CADPS2: variants seen among roughly 807,000 people sequenced by gnomAD.
CADPS2 encodes the protein calcium-dependent secretion activator 2.
In CADPS2, 93 loss-of-function variants were observed where a neutral mutation model predicts 172.5. The ratio of observed to expected loss-of-function variants is 0.54; its 90% CI spans 0.46 to 0.64. The LOEUF (loss-of-function observed/expected upper bound fraction) is 0.64, where lower values mean the gene tolerates loss of function less well. Among genes scored for constraint, CADPS2 ranks in the 30% least tolerant of loss-of-function variants. CADPS2 has a pLI of 0.00. For synonymous variants in CADPS2, 546 were observed against 555.2 expected, an observed-to-expected ratio of 0.98 and a Z score of 0.23; for missense variants, 1,420 against 1,565.9, an observed-to-expected ratio of 0.91 and a Z score of 1.57.
intron 4 of CADPS2, among the ~76,000 whole-genome samples, chr7:122,628,976 A>G (rs1303181476): frequency 1.3e-5 from 2 of 151,632 alleles, no homozygotes; most frequent in African/African-American, 4.8e-5. Context: ...GCAGTTTGAG[A>G]AACTCATGCA....
At chr7:122,845,603 C>T (rs983053099) in intron 1 of CADPS2, among the ~76,000 whole-genome samples, 2 of 152,224 alleles carry the variant, frequency 1.3e-5, no homozygotes, top group African/African-American at 2.4e-5. Context: ...TCAGGAGTCA[C>T]ACACCAGGCC....
At chr7:122,383,693 T>C (rs2043279813) in intron 24 of CADPS2, among the ~76,000 whole-genome samples, 1 of 152,076 alleles carries the variant, frequency 6.6e-6, no homozygotes, top group South Asian at 2.1e-4. Context: ...CTGGCCTCTC[T>C]ACAATCAGGT....
intron 17 of CADPS2, among the ~76,000 whole-genome samples, chr7:122,418,654 GCA>G (rs948215858): frequency 6.6e-6 from 1 of 152,138 alleles, no homozygotes; most frequent in Non-Finnish European, 1.5e-5. Context: ...AGGGAAAGAT[GCA>G]CAGACACTCC....
At chr7:122,500,209 C>A (rs935854441) in intron 9 of CADPS2, among the ~76,000 whole-genome samples, 5 of 152,118 alleles carry the variant, frequency 3.3e-5, no homozygotes, top group Non-Finnish European at 5.9e-5. Flanking sequence ...ACAAATTTGT[C>A]CCCTTTACCA....
rs1461016376 is a variant in CADPS2, at chr7:122,814,522, T to G, written c.339+71477A>C. ...GGCTAAAAAGAAAAAAGATAATTAT[T>G]CATGACATGTCAAAATTATAAGAAA... On this transcript the variant is annotated intron_variant, in intron 1 of 29. Transcript: ENST00000449022. Among the ~76,000 whole-genome samples the G allele has an allele frequency of 2.0e-5, 3 of 152,198 alleles. No homozygotes were observed. The East Asian group carries it at 5.8e-4, about 29-fold the overall frequency.
chr7:122,616,427 T>C (rs1480699848), intron 5 of CADPS2, among the ~76,000 whole-genome samples: 2 of 152,118 alleles, frequency 1.3e-5, no homozygotes, highest in Non-Finnish European at 2.9e-5. Context: ...TGTTCTTCCT[T>C]TCAGCTCTGT....
chr7:122,573,097 C>T (rs978328664), intron 7 of CADPS2, among the ~76,000 whole-genome samples: 12 of 152,190 alleles, frequency 7.9e-5, no homozygotes, highest in East Asian at 1.9e-4. Flanking sequence ...TGAACCTGTC[C>T]GCACATTTGT....
intron 7 of CADPS2, 61 bp downstream of exon 7, chr7:122,581,118 T>C (rs1409464539): frequency 8.5e-7 from 1 of 1,177,670 alleles, no homozygotes; most frequent in African/African-American, 1.5e-5. Context: ...TCTACCTTAA[T>C]CATGAATCCA....
At chr7:122,762,492 G>T (rs1322721469) in intron 1 of CADPS2, among the ~76,000 whole-genome samples, 1 of 152,050 alleles carries the variant, frequency 6.6e-6, no homozygotes, top group African/African-American at 2.4e-5. Flanking sequence ...CTCTTTACCA[G>T]AAACTAAGAA....
At chr7:122,796,050 A>T (rs950471832) in intron 1 of CADPS2, among the ~76,000 whole-genome samples, 1 of 152,174 alleles carries the variant, frequency 6.6e-6, no homozygotes, top group Non-Finnish European at 1.5e-5. Flanking sequence ...AATCACTAAC[A>T]TTCCTATACA....
At position 122,687,130 on chromosome 7, in the gene CADPS2, G is replaced by A. The variant is rs183291974; in HGVS notation, c.454-23561C>T. Among the ~76,000 whole-genome samples the A allele has an allele frequency of 2.0e-4, 31 of 152,292 alleles. No homozygotes were observed. The East Asian group carries it at 5.4e-3, about 27-fold the overall frequency. On this transcript the variant is annotated intron_variant, in intron 2 of 29. Transcript: ENST00000449022. ...AACTAAATACTTTTTACACAAGGGA[G>A]CTACTAGCTCCAATATCAGTACTTC... is the stretch of plus-strand genomic sequence containing the variant.
chr7:122,756,886 C>A (rs537592410), intron 1 of CADPS2, among the ~76,000 whole-genome samples: 1 of 150,344 alleles, frequency 6.7e-6, no homozygotes, highest in Non-Finnish European at 1.5e-5. Context: ...GGGAACAGAG[C>A]AAGACTCCCT....
chr7:122,659,299 A>G (rs563385988), intron 3 of CADPS2, among the ~76,000 whole-genome samples: 8 of 113,230 alleles, frequency 7.1e-5, no homozygotes, highest in Admixed American at 1.1e-4. Context: ...ATCAAAAGGA[A>G]ATGCTAGACA....
chr7:122,478,744 C>T (rs1303745921), intron 12 of CADPS2, among the ~76,000 whole-genome samples: 1 of 152,048 alleles, frequency 6.6e-6, no homozygotes, highest in Non-Finnish European at 1.5e-5. Flanking sequence ...TTGGTAGGCA[C>T]TGACCGCCAC....
At chr7:122,419,285 G>A (rs1474515574) in intron 17 of CADPS2, among the ~76,000 whole-genome samples, 1 of 152,162 alleles carries the variant, frequency 6.6e-6, no homozygotes, top group Non-Finnish European at 1.5e-5. Context: ...AATACATCAA[G>A]GGTGGATAAG....
chr7:122,541,784 T>C (rs1175971059), intron 8 of CADPS2, among the ~76,000 whole-genome samples: 3 of 104,746 alleles, frequency 2.9e-5, no homozygotes, highest in Admixed American at 1.1e-4. Flanking sequence ...CATATATTCA[T>C]ATATTTATAT....
chr7:122,886,023 G>C lies in CADPS2; in HGVS notation c.315C>G (p.Thr105=). 1.9e-6 allele frequency: 3 copies of C among 1,608,276 alleles called. No homozygotes were observed. Among genetic ancestry groups the C allele is most frequent in the Non-Finnish European group, 2.5e-6 (3 of 1,177,772 alleles). The change falls in exon 1 of 30, where the codon ACC becomes ACG. Residue 105 remains threonine (T), a synonymous_variant. Coordinates refer to ENST00000449022, the MANE Select transcript of CADPS2 (RefSeq NM_017954.11). ...CCTTCTGCTGCCTCCGGGCCATGTC[G>C]GTGGGCTGCTTGGCGTTGAAGGGGT... ...IAYPFNAKQP[T]DMARRQQKLN...
At chr7:122,764,882 C>T (rs1404694303) in intron 1 of CADPS2, among the ~76,000 whole-genome samples, 4 of 152,046 alleles carry the variant, frequency 2.6e-5, no homozygotes, top group African/African-American at 9.7e-5. Context: ...TTATTTTCCC[C>T]ATCTACAAAA....
At chr7:122,541,837 G>A (rs1041300449) in intron 8 of CADPS2, among the ~76,000 whole-genome samples, 901 of 52,976 alleles carry the variant, frequency 0.017, 12 homozygotes, top group African/African-American at 0.046. Context: ...ATATTCATAT[G>A]TTTATATATT....
Sources: gnomAD v4.1 joint callset for allele counts (sites outside exome capture counted in the v4.1 genomes callset) on GRCh38, gnomAD v4.1.1 for gene constraint, MANE v1.5 for transcripts, NCBI Gene and HGNC (gene_info 2026-07-23, HGNC 2026-07-21) for gene names.